Variants in ARL15 observed in about 807,000 individuals in gnomAD.
The protein encoded by ARL15 is ARF like GTPase 15, also known as ADP-ribosylation factor-like protein 15.
In ARL15, 19 loss-of-function variants were observed where a neutral mutation model predicts 25.2. The observed-to-expected ratio is 0.75, with a 90% CI of 0.53 to 1.10. The LOEUF (loss-of-function observed/expected upper bound fraction) is 1.10. Among genes scored for constraint, ARL15 ranks in the 50% least tolerant of loss-of-function variants. The pLI, the probability that ARL15 is intolerant of heterozygous loss-of-function variation, is 0.00. For synonymous variants in ARL15, 94 were observed against 86.8 expected (o/e 1.08, Z -0.46); for missense variants, 220 against 246.0 (o/e 0.89, Z 0.71).
chr5:54,092,821 C>T (rs537497062), intron 4 of ARL15, among the ~76,000 whole-genome samples: 3 of 152,130 alleles, frequency 2.0e-5, no homozygotes, highest in African/African-American at 4.8e-5. Flanking sequence ...AAATCCTACA[C>T]TGATACTAAT....
intron 4 of ARL15, among the ~76,000 whole-genome samples, chr5:53,970,690 A>G (rs1747723493): frequency 6.6e-6 from 1 of 151,976 alleles, no homozygotes; most frequent in Non-Finnish European, 1.5e-5. Flanking sequence ...AGGCTGGAGG[A>G]CAAGTTGACT....
intron 4 of ARL15, among the ~76,000 whole-genome samples, chr5:54,026,036 T>C (rs2111865117): frequency 6.6e-6 from 1 of 152,338 alleles, no homozygotes; most frequent in East Asian, 1.9e-4. Flanking sequence ...ACCAAGGTGA[T>C]GACCATTTAT....
intron 1 of ARL15, among the ~76,000 whole-genome samples, chr5:54,248,290 A>G (rs186398310): frequency 6.6e-6 from 1 of 152,288 alleles, no homozygotes; most frequent in African/African-American, 2.4e-5. Flanking sequence ...ACCATGACCA[A>G]CAAGACCATC....
chr5:54,279,255 A>ATT (rs34236642), intron 1 of ARL15, among the ~76,000 whole-genome samples: 124 of 150,382 alleles, frequency 8.2e-4, no homozygotes, highest in African/African-American at 2.5e-3. Context: ...ATTTACAAGA[A>ATT]TTTTTTTTTT....
chr5:54,011,954 A>T (rs548174313), intron 4 of ARL15, among the ~76,000 whole-genome samples: 1 of 152,140 alleles, frequency 6.6e-6, no homozygotes, highest in East Asian at 2.0e-4. Flanking sequence ...GGTTGCAGTG[A>T]GCTGAGATCG....
At chr5:54,238,611 T>G (rs1159258599) in intron 1 of ARL15, among the ~76,000 whole-genome samples, 2 of 152,170 alleles carry the variant, frequency 1.3e-5, no homozygotes, top group Non-Finnish European at 2.9e-5. Flanking sequence ...AGCAGCTGAC[T>G]CAATAACCTG....
chr5:54,142,941 G>T (rs1281019885), intron 3 of ARL15, among the ~76,000 whole-genome samples: 1 of 152,120 alleles, frequency 6.6e-6, no homozygotes, highest in African/African-American at 2.4e-5. Flanking sequence ...CACAAGACTG[G>T]AGTACTTTTA....
At chr5:54,214,990 A>AAT (rs1376517812) in intron 1 of ARL15, among the ~76,000 whole-genome samples, 1 of 152,070 alleles carries the variant, frequency 6.6e-6, no homozygotes, top group Non-Finnish European at 1.5e-5. Context: ...GAAAGGGCAA[A>AAT]ATCTGGCCAT....
intron 3 of ARL15, among the ~76,000 whole-genome samples, chr5:54,132,375 T>A (rs1285853454): frequency 1.3e-5 from 2 of 152,152 alleles, no homozygotes; most frequent in East Asian, 1.9e-4. Context: ...ACACTACCAG[T>A]CAAAATCTCA....
chr5:53,976,025 G>A (rs1747910433), intron 4 of ARL15, among the ~76,000 whole-genome samples: 2 of 152,284 alleles, frequency 1.3e-5, no homozygotes, highest in South Asian at 4.1e-4. Context: ...TGCCATCAAT[G>A]TTCTGTTTAT....
chr5:54,067,740 G>C (rs984927129), intron 4 of ARL15, among the ~76,000 whole-genome samples: 2 of 152,154 alleles, frequency 1.3e-5, no homozygotes, highest in Non-Finnish European at 2.9e-5. Flanking sequence ...TGCCTGGCAC[G>C]TAGTGAGCAC....
rs535540206 is a variant in ARL15, at chr5:54,206,565, A to G, written c.49-34637T>C. Among the ~76,000 whole-genome samples, 5 of 152,340 alleles carry G rather than the reference A, an allele frequency of 3.3e-5. No individual in the cohort carries two copies. The East Asian group carries it at 5.8e-4, about 18-fold the overall frequency. ...AGTGATCTTATTTAGATGAAGAGTTAGGAAAACCCTCTGTGGGGGATAAGA... is the reference window on the plus strand; with the variant it reads ...AGTGATCTTATTTAGATGAAGAGTTGGGAAAACCCTCTGTGGGGGATAAGA... On this transcript the variant is annotated intron_variant, in intron 1 of 4. Transcript: ENST00000504924.
chr5:54,067,675 GT>G (rs1354199454), intron 4 of ARL15, among the ~76,000 whole-genome samples: 2 of 152,200 alleles, frequency 1.3e-5, no homozygotes, highest in African/African-American at 2.4e-5. Flanking sequence ...GAACAATTTA[GT>G]TTTTTCCTCT....
intron 4 of ARL15, among the ~76,000 whole-genome samples, chr5:54,107,530 A>C (rs1265566770): frequency 6.6e-6 from 1 of 152,142 alleles, no homozygotes; most frequent in East Asian, 1.9e-4. Context: ...GTGTTGAAAA[A>C]TAGTGAGAAA....
chr5:54,249,054 A>T (rs1429889622), intron 1 of ARL15, among the ~76,000 whole-genome samples: 1 of 152,190 alleles, frequency 6.6e-6, no homozygotes, highest in Non-Finnish European at 1.5e-5. Flanking sequence ...AATAATAAAA[A>T]ATAAAAAAAA....
intron 3 of ARL15, among the ~76,000 whole-genome samples, chr5:54,134,568 CTTTTTTTTTT>C (rs5867914): frequency 3.7e-4 from 19 of 51,770 alleles, no homozygotes; most frequent in Non-Finnish European, 4.7e-4. Context: ...GAATGATTAG[CTTTTTTTTTT>C]TTTTTTTTTT....
chr5:54,254,470 A>T (rs1419765883), intron 1 of ARL15, among the ~76,000 whole-genome samples: 1 of 152,242 alleles, frequency 6.6e-6, no homozygotes, highest in East Asian at 1.9e-4. Flanking sequence ...CAACCAGAGC[A>T]ACAGTCTGTA....
chr5:54,158,401 G>C (rs1227620322), intron 2 of ARL15, among the ~76,000 whole-genome samples: 4 of 152,102 alleles, frequency 2.6e-5, no homozygotes, highest in Admixed American at 1.3e-4. Context: ...CGGTTGATTT[G>C]TTTTATATTT....
At chr5:54,006,035 A>C (rs12108699) in intron 4 of ARL15, among the ~76,000 whole-genome samples, 112 of 131,996 alleles carry the variant, frequency 8.5e-4, no homozygotes, top group African/African-American at 3.1e-3. Flanking sequence ...GGGCAACAAG[A>C]GTGAAATTAC....
Sources: gnomAD v4.1 joint callset for allele counts (sites outside exome capture counted in the v4.1 genomes callset) on GRCh38, gnomAD v4.1.1 for gene constraint, MANE v1.5 for transcripts, NCBI Gene and HGNC (gene_info 2026-07-23, HGNC 2026-07-21) for gene names.